The following LRP2 variants were observed in gnomAD, a reference collection of about 807,000 sequenced individuals.
The protein encoded by LRP2 is low-density lipoprotein receptor-related protein 2.
LRP2 carries 172 observed loss-of-function variants against 531.0 expected under a neutral mutation model. The observed-to-expected ratio is 0.32, with a 90% confidence interval of 0.29 to 0.37. LRP2 has a LOEUF of 0.37. Ranked by LOEUF, LRP2 falls within the 10% of genes least tolerant of loss-of-function variation. The probability of loss-of-function intolerance (pLI) is 1.00; values close to 1 mark genes in which losing one functional copy is unlikely to be tolerated. For missense variants in LRP2, 5,167 were observed against 5,868.3 expected (o/e 0.88, Z 3.90); for synonymous variants, 1,992 against 2,027.6 (o/e 0.98, Z 0.47).
chr2:169,213,289 G>A (rs1045887139), intron 36 of LRP2, among the ~76,000 whole-genome samples: 2 of 152,244 alleles, frequency 1.3e-5, no homozygotes, highest in Admixed American at 6.5e-5. Context: ...TCTAATCACC[G>A]AGTATTGAGC....
chr2:169,325,973 A>G (rs1685037944), intron 1 of LRP2, among the ~76,000 whole-genome samples: 1 of 152,212 alleles, frequency 6.6e-6, no homozygotes, highest in Non-Finnish European at 1.5e-5. Flanking sequence ...ATGTAGACAC[A>G]TCATTTAAGT....
Position 169,275,192 on chromosome 2 carries a change from C to G in LRP2, c.1819G>C (p.Val607Leu), listed in dbSNP as rs1683519665. 1.2e-6 allele frequency: 2 copies of G among 1,613,786 alleles called. No individual in the cohort carries two copies. The highest frequency in any genetic ancestry group is 4.5e-5 in the East Asian group (2 of 44,856). Reference sequence around the variant, plus strand: ...AACACCTGACCTTCAAATAAGCTTACTCCAAAGGGATGAGGAATGAGGGAG... The same window carrying G: ...AACACCTGACCTTCAAATAAGCTTAGTCCAAAGGGATGAGGAATGAGGGAG... The part of the protein sequence containing the change: ...GGSLIPHPFG[V>L]SLFEGQVFFT... Residue 607 changes from valine to leucine, a missense_variant, in exon 14 of 79, where the codon GTA (valine) becomes CTA (leucine). Val to Leu is a conservative substitution (Grantham distance 32, BLOSUM62 1). Around this residue, in one of 6 missense-constraint regions of LRP2, gnomAD observed 2,811 missense variants for 3,058.0 expected, o/e 0.92. Coordinates refer to ENST00000649046, the MANE Select transcript of LRP2 (RefSeq NM_004525.3).
intron 33 of LRP2, among the ~76,000 whole-genome samples, chr2:169,224,980 A>G (rs935688575): frequency 6.6e-6 from 1 of 151,868 alleles, no homozygotes; most frequent in Non-Finnish European, 1.5e-5. Context: ...AATCCCAGCT[A>G]CTCGGGTGGC....
intron 1 of LRP2, among the ~76,000 whole-genome samples, chr2:169,333,708 C>G (rs186563322): frequency 1.3e-5 from 2 of 152,146 alleles, no homozygotes; most frequent in Non-Finnish European, 2.9e-5. Flanking sequence ...TGCAAATACT[C>G]TCATGGTAGA....
intron 2 of LRP2, among the ~76,000 whole-genome samples, chr2:169,319,811 T>C (rs533934786): frequency 6.6e-6 from 1 of 152,300 alleles, no homozygotes; most frequent in Admixed American, 6.5e-5. Flanking sequence ...TTTAATGAGC[T>C]CCTGGGTGAT....
At chr2:169,168,856 A>T (rs1306152612) in intron 60 of LRP2, among the ~76,000 whole-genome samples, 180 bp from the exon 61 acceptor site, 2 of 152,216 alleles carry the variant, frequency 1.3e-5, no homozygotes, top group Non-Finnish European at 2.9e-5. Flanking sequence ...GGCAGTTGTC[A>T]GAGCCCAGTC....
chr2:169,174,285 T>TCA (rs1687107578), intron 55 of LRP2, 121 bp from the exon 56 acceptor site: 1 of 1,229,858 alleles, frequency 8.1e-7, no homozygotes, highest in African/African-American at 1.5e-5. Flanking sequence ...TATTTCCTAA[T>TCA]GTACTTATCA....
intron 63 of LRP2, 126 bp downstream of exon 63, chr2:169,162,346 A>G: frequency 9.3e-7 from 1 of 1,074,230 alleles, no homozygotes; most frequent in Non-Finnish European, 1.4e-6. Context: ...TATGGGCTTG[A>G]CTGGAATTCA....
At position 169,279,540 on chromosome 2, in the gene LRP2, A is replaced by G. The variant is rs1683643576; in HGVS notation, c.1397T>C (p.Val466Ala). 3.1e-6 allele frequency: 5 copies of G among 1,614,076 alleles called. No homozygotes were observed. Among genetic ancestry groups the G allele is most frequent in the Non-Finnish European group, 4.2e-6 (5 of 1,179,972 alleles). Residue 466 changes from valine to alanine, a missense_variant, in exon 12 of 79, where the codon GTT becomes GCT. By Grantham distance (64) the Val-to-Ala change is moderately conservative (BLOSUM62 0). Transcript: ENST00000649046. ...LNIQEVLNVSVETPENLAVDW... is the reference protein window; with the variant it reads ...LNIQEVLNVSAETPENLAVDW... ...CACAGCCAGGTTCTCTGGGGTTTCA[A>G]CAGAAACATTGAGAACCTCTTGGAT...
At chr2:169,280,547 A>T (rs1177035110) in intron 10 of LRP2, 28 bp from the exon 11 acceptor site, 15 of 1,608,128 alleles carry the variant, frequency 9.3e-6, no homozygotes, top group Non-Finnish European at 1.3e-5. Flanking sequence ...AGGCATCACC[A>T]CTCCTTCAGA....
chr2:169,230,386 T>C (rs73035784), intron 31 of LRP2, among the ~76,000 whole-genome samples: 1,537 of 152,372 alleles, frequency 0.01, 22 homozygotes, highest in African/African-American at 0.034. Context: ...CATGAAAGTA[T>C]CATTGCACAA....
At position 169,168,018 on chromosome 2, in the gene LRP2, AATATATAT is replaced by A. The variant is rs4001548; in HGVS notation, c.11635+513_11635+520del. Among the ~76,000 whole-genome samples the A allele has an allele frequency of 9.5e-4, 65 of 68,188 alleles. 3 individuals are homozygous for A. Among genetic ancestry groups the A allele is most frequent in the East Asian group, 3.5e-3 (10 of 2,818 alleles). 44.7% of individuals were successfully genotyped at this position (68,188 alleles called of 152,430 possible). On this transcript the variant is annotated intron_variant, in intron 61 of 78. Coordinates refer to ENST00000649046, the MANE Select transcript of LRP2 (RefSeq NM_004525.3). ...AGACTCACAAACAAGCAGGGTTTAA[AATATATAT>A]ATATATATATATATATATATGCATC...
At chr2:169,144,819 C>T (rs1685849979) in intron 70 of LRP2, among the ~76,000 whole-genome samples, 1 of 152,168 alleles carries the variant, frequency 6.6e-6, no homozygotes, top group Non-Finnish European at 1.5e-5. Context: ...CCATGACTCA[C>T]ATATGGGGAC....
intron 9 of LRP2, among the ~76,000 whole-genome samples, chr2:169,287,419 C>G (rs1286338026): frequency 6.6e-6 from 1 of 152,086 alleles, no homozygotes; most frequent in Non-Finnish European, 1.5e-5. Context: ...ATATTAAGAA[C>G]CTACAGTTAC....
Position 169,198,889 on chromosome 2 carries a change from T to C in LRP2, c.8475A>G (p.Gly2825=). 1 of 1,613,782 alleles carries C rather than the reference T, an allele frequency of 6.2e-7. No individual in the cohort carries two copies. Among genetic ancestry groups the C allele is most frequent in the Non-Finnish European group, 8.5e-7 (1 of 1,179,806 alleles). Reference sequence around the variant, plus strand: ...TATTTGAATTATGACATTTTGTGTATCCAGACTGGCAAGTGCGATCAGCTT... The same window carrying C: ...TATTTGAATTATGACATTTTGTGTACCCAGACTGGCAAGTGCGATCAGCTT... ...KNCPDRTCQS[G]YTKCHNSNIC... is the part of the protein sequence containing the mutation. Residue 2825 remains glycine (G), a synonymous_variant, in exon 45 of 79, where the codon GGA becomes GGG. Coordinates refer to ENST00000649046, the MANE Select transcript of LRP2 (RefSeq NM_004525.3).
At chr2:169,245,067 A>G in intron 21 of LRP2, 135 bp from the exon 22 acceptor site, 1 of 953,846 alleles carries the variant, frequency 1.0e-6, no homozygotes, top group Non-Finnish European at 1.6e-6. Context: ...TCATCAAGTG[A>G]TGTCATCATC....
At chr2:169,352,204 GTCTGGGGGGAACT>G (rs911612029) in intron 1 of LRP2, among the ~76,000 whole-genome samples, 1 of 152,148 alleles carries the variant, frequency 6.6e-6, no homozygotes, top group Non-Finnish European at 1.5e-5. Context: ...TCTTAGGAGG[GTCTGGGGGGAACT>G]TCAAAGGTGA....
rs1157222170 is a variant in LRP2, at chr2:169,157,500, T to C, written c.11890A>G (p.Lys3964Glu). 1 of 1,612,608 alleles carries C rather than the reference T, an allele frequency of 6.2e-7. No individual in the cohort carries two copies. The highest frequency in any genetic ancestry group is 1.7e-5 in the Admixed American group (1 of 59,880). The change falls in exon 64 of 79, where the codon AAA becomes GAA. Residue 3964 changes from lysine (K) to glutamate (E), a missense_variant and splice_region_variant. Physicochemically the swap from Lys to Glu is moderately conservative, Grantham distance 56 (BLOSUM62 1). Around this residue, in one of 6 missense-constraint regions of LRP2, gnomAD observed 564 missense variants for 747.7 expected, o/e 0.75. Coordinates refer to ENST00000649046, the MANE Select transcript of LRP2 (RefSeq NM_004525.3). ...GDWSDELGCN[K>E]GKERTCAENI... ...TCAGCACATGTTCTTTCTTTTCCTTTATCTGAAAAACAAAATCCCAGCATT... is the reference window on the plus strand; with the variant it reads ...TCAGCACATGTTCTTTCTTTTCCTTCATCTGAAAAACAAAATCCCAGCATT...
At chr2:169,132,345 C>G (rs1302276359) in intron 77 of LRP2, among the ~76,000 whole-genome samples, 1 of 152,142 alleles carries the variant, frequency 6.6e-6, no homozygotes, top group Non-Finnish European at 1.5e-5. Context: ...GACATGTCCT[C>G]CTATGTTACA....
Sources: allele counts gnomAD v4.1 joint callset (sites outside exome capture counted in the v4.1 genomes callset), GRCh38; gene constraint gnomAD v4.1.1; regional missense constraint gnomAD v4.1.1; transcripts MANE v1.5; gene names NCBI Gene and HGNC (gene_info 2026-07-23, HGNC 2026-07-21).